The following PDZD2 variants were observed in gnomAD, a reference collection of about 807,000 sequenced individuals.
The protein encoded by PDZD2 is PDZ domain containing 2, also known as PDZ domain-containing protein 2.
In PDZD2, 90 loss-of-function variants were observed where a neutral mutation model predicts 220.7. That is an observed-to-expected ratio of 0.41 (90% CI 0.34 to 0.49). The LOEUF is 0.49. Among genes scored for constraint, PDZD2 ranks in the 20% least tolerant of loss-of-function variants. The pLI is 0.28. For synonymous variants in PDZD2, 1,375 were observed against 1,450.5 expected, an observed-to-expected ratio of 0.95 and a Z score of 1.18; for missense variants, 3,174 against 3,608.5, an observed-to-expected ratio of 0.88 and a Z score of 3.08.
rs1491226778 is a variant in PDZD2 at position 32,109,217 on chromosome 5, CCT to C, written c.*1085_*1086del. 3.3e-5 allele frequency: 5 copies of C among 151,992 alleles called. No homozygotes were observed. In the South Asian group the frequency reaches 6.2e-4, roughly 19 times the overall value. The allele number at this position is 151,992 out of a possible 1,614,324, so 9.4% of individuals were successfully genotyped here. Reference sequence around the variant, plus strand: ...TTTAGGAGACTGGTTGGTTTTTTTCCCTCTTTCCCAACATGTTTAAGAAATGT... The same window carrying C: ...TTTAGGAGACTGGTTGGTTTTTTTCCCTTTCCCAACATGTTTAAGAAATGT... On this transcript the variant is annotated 3_prime_UTR_variant, in exon 25 of 25. Coordinates refer to ENST00000438447, the MANE Select transcript of PDZD2 (RefSeq NM_178140.4).
At chr5:32,101,678 C>T (rs538574093) in intron 24 of PDZD2, among the ~76,000 whole-genome samples, 1 of 152,172 alleles carries the variant, frequency 6.6e-6, no homozygotes, top group African/African-American at 2.4e-5. Context: ...ACTTAAAATA[C>T]TACACTTGTA....
At chr5:31,672,791 T>A (rs1430761118) in intron 1 of PDZD2, among the ~76,000 whole-genome samples, 1 of 152,038 alleles carries the variant, frequency 6.6e-6, no homozygotes, top group East Asian at 1.9e-4. Context: ...GAGCAGGTGG[T>A]TCTCAGAGAC....
intron 2 of PDZD2, among the ~76,000 whole-genome samples, chr5:31,943,958 T>C (rs1175035710): frequency 2.6e-5 from 4 of 152,210 alleles, no homozygotes. Context: ...CCAGCACAAA[T>C]GATATTCATT....
chr5:31,976,791 C>A (rs1749822314), intron 2 of PDZD2, among the ~76,000 whole-genome samples: 1 of 140,906 alleles, frequency 7.1e-6, no homozygotes, highest in Admixed American at 7.5e-5. Flanking sequence ...CATCTTGGCT[C>A]ACTGCAACCT....
intron 1 of PDZD2, among the ~76,000 whole-genome samples, chr5:31,737,405 C>G (rs188801254): frequency 5.9e-5 from 9 of 152,020 alleles, no homozygotes; most frequent in Admixed American, 3.3e-4. Context: ...ATCTCCTGAC[C>G]TCGTGATCCG....
At chr5:31,778,925 G>T (rs1752884381) in intron 1 of PDZD2, among the ~76,000 whole-genome samples, 1 of 152,134 alleles carries the variant, frequency 6.6e-6, no homozygotes, top group South Asian at 2.1e-4. Context: ...CAAAGACTTT[G>T]CATATCAATT....
chr5:31,647,340 T>C (rs1305602822), intron 1 of PDZD2, among the ~76,000 whole-genome samples: 1 of 152,248 alleles, frequency 6.6e-6, no homozygotes, highest in Non-Finnish European at 1.5e-5. Flanking sequence ...TATTACCCCA[T>C]ATTCATTTCC....
At chr5:31,995,524 A>G (rs367722475) in intron 3 of PDZD2, 52 bp from the exon 4 acceptor site, 31 of 1,608,672 alleles carry the variant, frequency 1.9e-5, no homozygotes, top group Admixed American at 1.7e-4. Context: ...TCCTGTGTCA[A>G]TGCCGTGTGT....
intron 1 of PDZD2, among the ~76,000 whole-genome samples, chr5:31,685,264 T>C (rs2150125201): frequency 6.6e-6 from 1 of 152,266 alleles, no homozygotes; most frequent in South Asian, 2.1e-4. Context: ...TGGGTTTACA[T>C]TGAGTTTATA....
At chr5:31,740,900 C>T (rs1194154694) in intron 1 of PDZD2, among the ~76,000 whole-genome samples, 2 of 152,170 alleles carry the variant, frequency 1.3e-5, no homozygotes, top group South Asian at 2.1e-4. Flanking sequence ...ATGATTTCAC[C>T]ATTCTTCCAC....
chr5:31,788,278 G>A (rs1753493541), intron 1 of PDZD2, among the ~76,000 whole-genome samples: 1 of 152,230 alleles, frequency 6.6e-6, no homozygotes, highest in African/African-American at 2.4e-5. Context: ...GGCTGAGGCA[G>A]GAGAATTGAT....
At chr5:31,811,473 A>G (rs1336133352) in intron 2 of PDZD2, among the ~76,000 whole-genome samples, 1 of 152,128 alleles carries the variant, frequency 6.6e-6, no homozygotes, top group Non-Finnish European at 1.5e-5. Context: ...TGTCTCTTTG[A>G]CTTAAATTTA....
intron 13 of PDZD2, among the ~76,000 whole-genome samples, chr5:32,059,953 A>G (rs1739514859): frequency 6.6e-6 from 1 of 152,192 alleles, no homozygotes; most frequent in African/African-American, 2.4e-5. Flanking sequence ...GTGTTCTATT[A>G]TATAGAAATT....
chr5:31,667,308 G>A (rs949740194), intron 1 of PDZD2, among the ~76,000 whole-genome samples: 4 of 151,472 alleles, frequency 2.6e-5, no homozygotes, highest in African/African-American at 9.7e-5. Flanking sequence ...AGACACTAGG[G>A]ATACAGGGGT....
At chr5:31,776,106 A>G (rs1343728592) in intron 1 of PDZD2, among the ~76,000 whole-genome samples, 23 of 152,176 alleles carry the variant, frequency 1.5e-4, no homozygotes, top group Admixed American at 1.5e-3. Context: ...CTGGAGTGTA[A>G]GAGGCAAAGG....
intron 2 of PDZD2, among the ~76,000 whole-genome samples, chr5:31,891,801 G>T (rs1311024512): frequency 1.3e-5 from 2 of 152,242 alleles, no homozygotes; most frequent in African/African-American, 4.8e-5. Flanking sequence ...GATCATGCCA[G>T]TGTGCTCAGT....
rs576305583 is a variant in PDZD2, at chr5:31,849,028, G to A, written c.476+49304G>A. ...CTTGCCACTGCACTCCAGCCTGGGCGACAGAGCGAGACTCCATCTCAGAAA... is the reference window on the plus strand; with the variant it reads ...CTTGCCACTGCACTCCAGCCTGGGCAACAGAGCGAGACTCCATCTCAGAAA... On this transcript the variant is annotated intron_variant, in intron 2 of 24. Coordinates refer to ENST00000438447, the MANE Select transcript of PDZD2 (RefSeq NM_178140.4). Among the ~76,000 whole-genome samples, 5 of 152,302 alleles carry A rather than the reference G, an allele frequency of 3.3e-5. No homozygotes were observed. The East Asian group carries it at 5.8e-4, about 18-fold the overall frequency.
In PDZD2 at chr5:32,058,020, C is replaced by G. The variant is rs770428796; in HGVS notation, c.2117C>G (p.Ser706Cys). 1 of 1,613,092 alleles carries G rather than the reference C, an allele frequency of 6.2e-7. No individual in the cohort carries two copies. The highest frequency in any genetic ancestry group is 1.1e-5 in the South Asian group (1 of 91,044). ...NTSGGASAGG[S>C]DEGSSSSLGR... ...AGTGGGGGAGCCTCAGCGGGAGGTT[C>G]CGATGAAGGCAGTTCTTCATCCCTG... The change falls in exon 12 of 25, where the codon TCC becomes TGC. Residue 706 changes from serine (S) to cysteine (C), a missense_variant. By Grantham distance (112) the Ser-to-Cys change is moderately radical. Around this residue, in one of 4 missense-constraint regions of PDZD2, gnomAD observed 1,861 missense variants for 2,001.0 expected, o/e 0.93. Transcript: ENST00000438447.
intron 2 of PDZD2, among the ~76,000 whole-genome samples, chr5:31,951,933 T>C (rs1747218898): frequency 6.6e-6 from 1 of 152,230 alleles, no homozygotes; most frequent in Admixed American, 6.5e-5. Flanking sequence ...TAGATTTTTG[T>C]CTATTTTTTG....
Sources: allele counts gnomAD v4.1 joint callset (sites outside exome capture counted in the v4.1 genomes callset), GRCh38; gene constraint gnomAD v4.1.1; regional missense constraint gnomAD v4.1.1; transcripts MANE v1.5; gene names NCBI Gene and HGNC (gene_info 2026-07-23, HGNC 2026-07-21).